Variants in FAM3C observed in about 807,000 individuals in gnomAD.
FAM3C encodes the protein protein FAM3C.
A neutral mutation model predicts 32.5 loss-of-function variants in FAM3C; 15 were observed. The ratio of observed to expected loss-of-function variants is 0.46; its 90% CI spans 0.31 to 0.71. The LOEUF (loss-of-function observed/expected upper bound fraction) is 0.71. Ranked by LOEUF, FAM3C falls within the 30% of genes least tolerant of loss-of-function variation. FAM3C has a pLI of 0.05. For synonymous variants in FAM3C, 75 were observed against 86.1 expected (o/e 0.87, Z 0.72); for missense variants, 175 against 274.4 (o/e 0.64, Z 2.56).
At chr7:121,390,484 A>T (rs1794552090) in intron 1 of FAM3C, among the ~76,000 whole-genome samples, 1 of 152,176 alleles carries the variant, frequency 6.6e-6, no homozygotes, top group Non-Finnish European at 1.5e-5. Flanking sequence ...CCTGGGGACT[A>T]GACTGCCTTT....
intron 2 of FAM3C, among the ~76,000 whole-genome samples, 200 bp from the exon 3 acceptor site, chr7:121,379,214 CA>C (rs1321631793): frequency 6.6e-6 from 1 of 152,080 alleles, no homozygotes; most frequent in Non-Finnish European, 1.5e-5. Context: ...AAAGAATTCT[CA>C]GATTATCTAG....
rs894295391 is a variant in FAM3C, at chr7:121,369,907, C to T, written c.272+1393G>A. 1.3e-4 allele frequency among the ~76,000 whole-genome samples: 19 copies of T among 151,424 alleles called. No homozygotes were observed. In the East Asian group the frequency reaches 1.7e-3, roughly 14 times the overall value. On this transcript the variant is annotated intron_variant, in intron 5 of 9. Transcript: ENST00000359943. ...TTTTCTGAGTGTGTTTTGTTGTTTA[C>T]GGTTTTAATCTGTGAATAAAAAACC...
In FAM3C at chr7:121,363,028, TGATGTGAATTCATTAGCAGAGAA is replaced by T. The variant is rs1461803954; in HGVS notation, c.332-104_332-82del. The T allele has an allele frequency of 2.5e-5, 17 of 676,302 alleles. No homozygotes were observed. In the East Asian group the frequency reaches 3.0e-4, roughly 12 times the overall value. 41.9% of individuals were successfully genotyped at this position (676,302 alleles called of 1,614,324 possible). A position where few individuals can be genotyped will look rare whatever the true frequency, so the allele number is the denominator to read the frequency against. On this transcript the variant is annotated intron_variant, in intron 6 of 9. Coordinates refer to ENST00000359943, the MANE Select transcript of FAM3C (RefSeq NM_014888.3). ...AAGACCAATAATCTCATCCAATGAT[TGATGTGAATTCATTAGCAGAGAA>T]GATGTGAATTCATTAGCATTAGAGA...
chr7:121,374,287 CAAAAT>C (rs1309621731), intron 3 of FAM3C, among the ~76,000 whole-genome samples: 1 of 152,050 alleles, frequency 6.6e-6, no homozygotes, highest in African/African-American at 2.4e-5. Context: ...ACAATTATCT[CAAAAT>C]AAAGTTTTAT....
At chr7:121,390,905 A>G (rs1449419162) in intron 1 of FAM3C, among the ~76,000 whole-genome samples, 1 of 147,726 alleles carries the variant, frequency 6.8e-6, no homozygotes, top group Non-Finnish European at 1.5e-5. Flanking sequence ...AAAAAGTTCA[A>G]AAGTAAAATT....
chr7:121,387,277 G>C (rs1794485141), intron 1 of FAM3C, among the ~76,000 whole-genome samples: 1 of 151,668 alleles, frequency 6.6e-6, no homozygotes, highest in Non-Finnish European at 1.5e-5. Context: ...GTTGTACTTT[G>C]TCAACCCCTA....
intron 2 of FAM3C, 72 bp downstream of exon 2, chr7:121,382,885 C>T: frequency 9.0e-7 from 1 of 1,105,738 alleles, no homozygotes; most frequent in East Asian, 2.4e-5. Context: ...TATTTAACCT[C>T]TCCTTTAGTT....
intron 5 of FAM3C, among the ~76,000 whole-genome samples, chr7:121,365,240 A>G (rs1794002430): frequency 6.6e-6 from 1 of 152,128 alleles, no homozygotes; most frequent in Non-Finnish European, 1.5e-5. Flanking sequence ...TTGATGAATG[A>G]GCTCAGTTCT....
chr7:121,371,471 G>T (rs781277931), intron 4 of FAM3C, 48 bp from the exon 5 acceptor site: 2 of 1,589,926 alleles, frequency 1.3e-6, no homozygotes, highest in Non-Finnish European at 1.7e-6. Context: ...CAAGTTAACA[G>T]ACTTTACCTC....
intron 2 of FAM3C, among the ~76,000 whole-genome samples, chr7:121,379,423 G>A (rs1275917785): frequency 6.6e-6 from 1 of 151,930 alleles, no homozygotes; most frequent in African/African-American, 2.4e-5. Context: ...TTCTGGGGAT[G>A]CTAAGGCCAC....
chr7:121,364,774 G>A lies in FAM3C; in HGVS notation c.273-586C>T, dbSNP rs186735240. ...TACGTGGTGACTACCTGAAATAATC[G>A]ACTTCCATGGGCAGCTCACAGACCA... On this transcript the variant is annotated intron_variant, in intron 5 of 9. Transcript: ENST00000359943. Among the ~76,000 whole-genome samples the A allele has an allele frequency of 7.9e-5, 12 of 152,140 alleles. No homozygotes were observed. The East Asian group carries it at 1.7e-3, about 22-fold the overall frequency.
intron 3 of FAM3C, among the ~76,000 whole-genome samples, chr7:121,376,628 C>T (rs895157390): frequency 2.0e-5 from 3 of 152,050 alleles, no homozygotes; most frequent in South Asian, 2.1e-4. Flanking sequence ...AGCATCATGT[C>T]GATGTTCAAA....
intron 1 of FAM3C, among the ~76,000 whole-genome samples, 172 bp from the exon 2 acceptor site, chr7:121,383,182 A>G (rs766209347): frequency 3.9e-5 from 6 of 152,056 alleles, no homozygotes; most frequent in Non-Finnish European, 5.9e-5. Context: ...CTGGACCATA[A>G]GACCTCAAGG....
intron 1 of FAM3C, among the ~76,000 whole-genome samples, 196 bp from the exon 2 acceptor site, chr7:121,383,206 C>CCCTGGG (rs1562892140): frequency 6.6e-6 from 1 of 151,822 alleles, no homozygotes; most frequent in East Asian, 1.9e-4. Flanking sequence ...GTCTGTCTTA[C>CCCTGGG]CCTGCTGTGT....
intron 8 of FAM3C, among the ~76,000 whole-genome samples, chr7:121,358,082 T>A (rs1256382294): frequency 1.3e-5 from 2 of 152,154 alleles, no homozygotes; most frequent in Non-Finnish European, 2.9e-5. Context: ...TTTCATTCTA[T>A]TTAGGTAGAT....
intron 1 of FAM3C, among the ~76,000 whole-genome samples, chr7:121,384,087 G>C (rs1263057134): frequency 1.3e-5 from 2 of 152,150 alleles, no homozygotes; most frequent in African/African-American, 4.8e-5. Context: ...GGCTTCAGCA[G>C]GGTTCTGGGG....
chr7:121,394,108 T>C (rs1047413978), intron 1 of FAM3C, among the ~76,000 whole-genome samples: 1 of 152,262 alleles, frequency 6.6e-6, no homozygotes, highest in Non-Finnish European at 1.5e-5. Flanking sequence ...GGCTGTCTTA[T>C]TCATAGTATC....
chr7:121,358,208 T>C (rs1276678763), intron 8 of FAM3C, among the ~76,000 whole-genome samples: 1 of 152,128 alleles, frequency 6.6e-6, no homozygotes. Context: ...CTTACAACCA[T>C]TTATAAAGTA....
intron 5 of FAM3C, among the ~76,000 whole-genome samples, chr7:121,365,133 C>T (rs930589383): frequency 2.6e-5 from 4 of 152,062 alleles, no homozygotes; most frequent in African/African-American, 4.8e-5. Flanking sequence ...TAAATAAAAT[C>T]TACGATGTAC....
Sources: gnomAD v4.1 joint callset for allele counts (sites outside exome capture counted in the v4.1 genomes callset) on GRCh38, gnomAD v4.1.1 for gene constraint, MANE v1.5 for transcripts, NCBI Gene and HGNC (gene_info 2026-07-23, HGNC 2026-07-21) for gene names.